The following NELL1 variants were observed in gnomAD, a reference collection of about 807,000 sequenced individuals.
The protein encoded by NELL1 is neural EGFL like 1.
In NELL1, 76 loss-of-function variants were observed where a neutral mutation model predicts 107.4. That is an observed-to-expected ratio of 0.71 (90% confidence interval 0.59 to 0.86). NELL1 has a LOEUF of 0.86. NELL1 is among the 40% of genes least tolerant of loss of function. NELL1 has a pLI of 0.00. For synonymous variants in NELL1, 353 were observed against 341.2 expected (o/e 1.03, Z -0.38); for missense variants, 1,024 against 1,005.5 (o/e 1.02, Z -0.25).
chr11:21,091,407 A>C (rs1454922897), intron 12 of NELL1, among the ~76,000 whole-genome samples: 1 of 152,232 alleles, frequency 6.6e-6, no homozygotes, highest in Non-Finnish European at 1.5e-5. Context: ...CAGCGAATGC[A>C]TGGAAACATG....
chr11:21,349,763 A>T (rs887192986), intron 14 of NELL1, among the ~76,000 whole-genome samples: 1 of 152,106 alleles, frequency 6.6e-6, no homozygotes, highest in African/African-American at 2.4e-5. Flanking sequence ...GCTGCATTAT[A>T]GTTTAGCTTG....
chr11:21,507,652 A>G (rs1251708074), intron 15 of NELL1, among the ~76,000 whole-genome samples: 2 of 152,198 alleles, frequency 1.3e-5, no homozygotes, highest in Non-Finnish European at 2.9e-5. Context: ...TGCAGTTAGG[A>G]AAAGAACCAC....
At chr11:20,732,109 A>G (rs995670348) in intron 2 of NELL1, among the ~76,000 whole-genome samples, 22 of 151,356 alleles carry the variant, frequency 1.5e-4, no homozygotes, top group African/African-American at 5.3e-4. Flanking sequence ...TTTTTTTCTC[A>G]CTAGTCATCA....
rs899789450 is a variant in NELL1, at chr11:20,866,726, G to A, written c.507-18718G>A. 9.9e-5 allele frequency among the ~76,000 whole-genome samples: 15 copies of A among 152,142 alleles called. No homozygotes were observed. The East Asian group carries it at 1.2e-3, about 12-fold the overall frequency. ...CCTCTAGCAGATGACTCTTTATCACGTCAATCACCTCATCTTCTTTTATTG... is the reference window on the plus strand; with the variant it reads ...CCTCTAGCAGATGACTCTTTATCACATCAATCACCTCATCTTCTTTTATTG... On this transcript the variant is annotated intron_variant, in intron 4 of 19. Transcript: ENST00000357134.
At chr11:21,113,938 C>T (rs1421182535) in intron 13 of NELL1, among the ~76,000 whole-genome samples, 3 of 151,956 alleles carry the variant, frequency 2.0e-5, no homozygotes, top group Non-Finnish European at 4.4e-5. Flanking sequence ...TGCTTGCATA[C>T]ATGGGTGTGT....
chr11:20,855,339 TAGAA>T (rs1413731260), intron 4 of NELL1, among the ~76,000 whole-genome samples: 1 of 152,164 alleles, frequency 6.6e-6, no homozygotes, highest in Non-Finnish European at 1.5e-5. Flanking sequence ...AGTTTGCAAA[TAGAA>T]AGAACTGGGA....
chr11:21,363,088 T>C (rs1182579186), intron 14 of NELL1, among the ~76,000 whole-genome samples: 1 of 152,134 alleles, frequency 6.6e-6, no homozygotes, highest in Non-Finnish European at 1.5e-5. Context: ...CTACAGATGC[T>C]CCCACATCCC....
At chr11:20,891,059 C>T (rs924459929) in intron 5 of NELL1, among the ~76,000 whole-genome samples, 3 of 152,124 alleles carry the variant, frequency 2.0e-5, no homozygotes, top group Non-Finnish European at 4.4e-5. Context: ...ACATGATCAT[C>T]AGCTTCACGA....
intron 15 of NELL1, among the ~76,000 whole-genome samples, chr11:21,422,337 T>G (rs1290755384): frequency 6.6e-6 from 1 of 152,206 alleles, no homozygotes; most frequent in East Asian, 1.9e-4. Context: ...GCTAGTATTA[T>G]TGTAACAATT....
At chr11:21,376,730 C>T (rs1851490447) in intron 15 of NELL1, among the ~76,000 whole-genome samples, 1 of 152,022 alleles carries the variant, frequency 6.6e-6, no homozygotes. Flanking sequence ...TTTATTATAG[C>T]AGTGCTTTGT....
At chr11:21,011,651 G>A (rs1466263110) in intron 12 of NELL1, among the ~76,000 whole-genome samples, 1 of 152,076 alleles carries the variant, frequency 6.6e-6, no homozygotes, top group Non-Finnish European at 1.5e-5. Context: ...TCTGCAGTTG[G>A]GCAGCAAGTC....
intron 14 of NELL1, among the ~76,000 whole-genome samples, chr11:21,231,684 T>C (rs1161224336): frequency 6.6e-6 from 1 of 152,218 alleles, no homozygotes; most frequent in Non-Finnish European, 1.5e-5. Context: ...GGTTTCACCT[T>C]CGTAGAATTT....
At chr11:20,878,410 G>A (rs1382201064) in intron 4 of NELL1, among the ~76,000 whole-genome samples, 1 of 142,924 alleles carries the variant, frequency 7.0e-6, no homozygotes, top group Non-Finnish European at 1.5e-5. Context: ...TTTTCAAGTT[G>A]TCGACTGCTT....
At chr11:21,565,745 A>G (rs1467311475) in intron 17 of NELL1, among the ~76,000 whole-genome samples, 1 of 151,954 alleles carries the variant, frequency 6.6e-6, no homozygotes, top group Admixed American at 6.6e-5. Flanking sequence ...AGTTTTCTAC[A>G]TGGAAAAGGC....
At chr11:21,526,860 G>A (rs1855867607) in intron 15 of NELL1, among the ~76,000 whole-genome samples, 1 of 152,146 alleles carries the variant, frequency 6.6e-6, no homozygotes, top group South Asian at 2.1e-4. Context: ...TTCCCTCCTA[G>A]GCCTCCAGGC....
chr11:21,187,123 T>C (rs1856951496), intron 13 of NELL1, among the ~76,000 whole-genome samples: 1 of 151,860 alleles, frequency 6.6e-6, no homozygotes, highest in Non-Finnish European at 1.5e-5. Flanking sequence ...CTTTTTTTTG[T>C]CCATTTGCAC....
chr11:21,154,396 C>T (rs1856185662), intron 13 of NELL1, among the ~76,000 whole-genome samples: 1 of 152,102 alleles, frequency 6.6e-6, no homozygotes, highest in African/African-American at 2.4e-5. Flanking sequence ...ATGCAACTAT[C>T]TCTGAAAAGC....
chr11:21,432,654 A>G (rs547777842), intron 15 of NELL1, among the ~76,000 whole-genome samples: 2 of 152,184 alleles, frequency 1.3e-5, no homozygotes, highest in Non-Finnish European at 2.9e-5. Flanking sequence ...GGAGATTGGA[A>G]GGAAATAGAG....
intron 16 of NELL1, among the ~76,000 whole-genome samples, chr11:21,550,439 A>G (rs7925441): frequency 0.15 from 22,280 of 151,598 alleles, 1,735 homozygotes; most frequent in Admixed American, 0.2. Flanking sequence ...GAATGGTAAT[A>G]CCTAGGTTTT....
Sources: gnomAD v4.1 joint callset for allele counts (sites outside exome capture counted in the v4.1 genomes callset) on GRCh38, gnomAD v4.1.1 for gene constraint, MANE v1.5 for transcripts, NCBI Gene and HGNC (gene_info 2026-07-23, HGNC 2026-07-21) for gene names.